Variants in ANAPC7 observed in about 807,000 individuals in gnomAD.
ANAPC7 encodes anaphase promoting complex subunit 7, also known as anaphase-promoting complex subunit 7.
In ANAPC7, 25 loss-of-function variants were observed where a neutral mutation model predicts 63.3. The observed-to-expected ratio is 0.39, with a 90% CI of 0.29 to 0.55. The LOEUF (loss-of-function observed/expected upper bound fraction) is 0.55, where lower values mean the gene tolerates loss of function less well. Ranked by LOEUF, ANAPC7 falls within the 20% of genes least tolerant of loss-of-function variation. ANAPC7 has a pLI of 0.57. For synonymous variants in ANAPC7, 241 were observed against 251.7 expected, an observed-to-expected ratio of 0.96 and a Z score of 0.40; for missense variants, 516 against 691.7, an observed-to-expected ratio of 0.75 and a Z score of 2.85.
Position 110,374,184 on chromosome 12 carries a change from G to A in ANAPC7, c.1658C>T (p.Ala553Val), listed in dbSNP as rs760487546. 6.2e-7 allele frequency: 1 copy of A among 1,613,490 alleles called. No homozygotes were observed. Among genetic ancestry groups the A allele is most frequent in the Non-Finnish European group, 8.5e-7 (1 of 1,180,008 alleles). The change falls in exon 11 of 11, where the codon GCC becomes GTC. Residue 553 changes from alanine (A) to valine (V), a missense_variant. Ala to Val is a moderately conservative substitution (Grantham distance 64, BLOSUM62 0). This residue lies in a region of ANAPC7 where 122 missense variants were observed against 212.0 expected (regional missense o/e 0.58). Coordinates refer to ENST00000455511, the MANE Select transcript of ANAPC7 (RefSeq NM_016238.3). ...CCACTGCTCCTGGTCAGCCCACTGGGCCGCCTCACTGTCGCTGCCCTCCAG... is the reference window on the plus strand; with the variant it reads ...CCACTGCTCCTGGTCAGCCCACTGGACCGCCTCACTGTCGCTGCCCTCCAG... ...GDLEGSDSEA[A>V]QWADQEQWFG...
Position 110,374,139 on chromosome 12 carries a change from C to G in ANAPC7, c.*5G>C, listed in dbSNP as rs778072382. 9 of 1,604,926 alleles carry G rather than the reference C, an allele frequency of 5.6e-6. No individual in the cohort carries two copies. The highest frequency in any genetic ancestry group is 6.8e-6 in the Non-Finnish European group (8 of 1,176,802). ...GGCCACTGCGGCCATGGAGCTGCCGCCCCCTCACTGCATGCCGAACCACTG... is the reference window on the plus strand; with the variant it reads ...GGCCACTGCGGCCATGGAGCTGCCGGCCCCTCACTGCATGCCGAACCACTG... On this transcript the variant is annotated 3_prime_UTR_variant, in exon 11 of 11. Transcript: ENST00000455511.
intron 2 of ANAPC7, among the ~76,000 whole-genome samples, chr12:110,395,694 ATG>A (rs1883512562): frequency 6.6e-6 from 1 of 150,706 alleles, no homozygotes; most frequent in African/African-American, 2.5e-5. Flanking sequence ...ATCCACCACC[ATG>A]CCTGGCTAAT....
At chr12:110,388,015 A>C (rs893410522) in intron 4 of ANAPC7, 123 bp from the exon 5 acceptor site, 42 of 989,506 alleles carry the variant, frequency 4.2e-5, no homozygotes, top group Non-Finnish European at 6.2e-5. Flanking sequence ...TGAGCGATGC[A>C]TGAGAGAAAA....
At chr12:110,377,268 C>G (rs1881374928) in intron 9 of ANAPC7, 125 bp downstream of exon 9, 2 of 800,660 alleles carry the variant, frequency 2.5e-6, no homozygotes, top group Non-Finnish European at 4.0e-6. Flanking sequence ...CAAGCAGGCT[C>G]AGACCTGCTG....
chr12:110,393,198 T>C (rs913602895), intron 3 of ANAPC7, among the ~76,000 whole-genome samples: 1 of 152,174 alleles, frequency 6.6e-6, no homozygotes, highest in South Asian at 2.1e-4. Flanking sequence ...GATAAAAGAA[T>C]CTTACAGTAT....
At chr12:110,399,113 C>T (rs2062185705) in intron 1 of ANAPC7, among the ~76,000 whole-genome samples, 1 of 150,766 alleles carries the variant, frequency 6.6e-6, no homozygotes. Flanking sequence ...CCCTGCCTCC[C>T]GGGTTCAAGC....
intron 6 of ANAPC7, among the ~76,000 whole-genome samples, chr12:110,385,041 A>G (rs1339494820): frequency 2.6e-5 from 4 of 152,088 alleles, no homozygotes; most frequent in Non-Finnish European, 1.5e-5. Flanking sequence ...AGGCGGGTGG[A>G]TTACCTAAGG....
intron 9 of ANAPC7, among the ~76,000 whole-genome samples, chr12:110,376,947 C>T (rs1881341349): frequency 6.6e-6 from 1 of 151,346 alleles, no homozygotes; most frequent in African/African-American, 2.4e-5. Context: ...ATGGTGAAAC[C>T]CCATCTCTAC....
At chr12:110,383,902 A>G (rs74731088) in intron 6 of ANAPC7, among the ~76,000 whole-genome samples, 2 of 133,140 alleles carry the variant, frequency 1.5e-5, no homozygotes, top group South Asian at 4.8e-4. Flanking sequence ...AAAAAAAGAA[A>G]AAAAAAAGAA....
At chr12:110,374,854 A>G (rs981166126) in intron 10 of ANAPC7, among the ~76,000 whole-genome samples, 6 of 152,182 alleles carry the variant, frequency 3.9e-5, no homozygotes, top group Non-Finnish European at 8.8e-5. Context: ...GTCAGACCCC[A>G]GGACCCAAGG....
chr12:110,388,659 G>T, intron 3 of ANAPC7, 36 bp from the exon 4 acceptor site: 1 of 1,419,644 alleles, frequency 7.0e-7, no homozygotes, highest in Non-Finnish European at 9.9e-7. Context: ...CAAAATAAGC[G>T]TATATTGCAA....
At position 110,373,783 on chromosome 12, in the gene ANAPC7, G is replaced by A. The variant is rs1397254897; in HGVS notation, c.*361C>T. ...TGACATTATCGTGCTGGGATGGTGG[G>A]TAACTCCTTCAAACCAATCCATGTC... On this transcript the variant is annotated 3_prime_UTR_variant, in exon 11 of 11. Coordinates refer to ENST00000455511, the MANE Select transcript of ANAPC7 (RefSeq NM_016238.3). The A allele has an allele frequency of 2.2e-5, 4 of 185,222 alleles. No homozygotes were observed. Among genetic ancestry groups the A allele is most frequent in the African/African-American group, 9.4e-5 (4 of 42,736 alleles). The allele number at this position is 185,222 out of a possible 1,614,324, so 11.5% of individuals were successfully genotyped here.
intron 1 of ANAPC7, 60 bp from the exon 2 acceptor site, chr12:110,396,512 G>C (rs996144911): frequency 4.4e-6 from 6 of 1,355,238 alleles, no homozygotes; most frequent in African/African-American, 1.5e-5. Context: ...AGCTCCCCCA[G>C]CTTCTTTTTT....
At chr12:110,396,478 C>T (rs1237898419) in intron 1 of ANAPC7, 26 bp from the exon 2 acceptor site, 3 of 1,540,554 alleles carry the variant, frequency 1.9e-6, no homozygotes, top group Admixed American at 2.1e-5. Flanking sequence ...AAATGTAATA[C>T]ATCTTTTCCT....
chr12:110,387,361 G>GAGAC (rs1882667627), intron 5 of ANAPC7: 1 of 123,832 alleles, frequency 8.1e-6, no homozygotes, highest in African/African-American at 3.3e-5. Context: ...GACAGAGAGA[G>GAGAC]AGAGACAGAG....
chr12:110,386,208 A>G, intron 6 of ANAPC7, 119 bp downstream of exon 6: 1 of 1,431,906 alleles, frequency 7.0e-7, no homozygotes, highest in Admixed American at 2.1e-5. Flanking sequence ...AGACTAGTAT[A>G]AGTTTTATAC....
At chr12:110,381,001 CAGAG>C (rs1418533033) in intron 8 of ANAPC7, among the ~76,000 whole-genome samples, 1 of 149,942 alleles carries the variant, frequency 6.7e-6, no homozygotes, top group Non-Finnish European at 1.5e-5. Context: ...GTGTCTGACA[CAGAG>C]AGATTCATAT....
intron 1 of ANAPC7, among the ~76,000 whole-genome samples, chr12:110,397,624 G>A (rs139092205): frequency 9.3e-4 from 141 of 152,024 alleles, no homozygotes; most frequent in African/African-American, 3.1e-3. Flanking sequence ...GGGGCTGGGC[G>A]TGGTGGCTCA....
At chr12:110,383,509 C>T in intron 6 of ANAPC7, among the ~76,000 whole-genome samples, 1 of 152,058 alleles carries the variant, frequency 6.6e-6, no homozygotes, top group African/African-American at 2.4e-5. Context: ...GTGGCAGAGG[C>T]AGGAGGATCA....
Sources: allele counts gnomAD v4.1 joint callset (sites outside exome capture counted in the v4.1 genomes callset), GRCh38; gene constraint gnomAD v4.1.1; regional missense constraint gnomAD v4.1.1; transcripts MANE v1.5; gene names NCBI Gene and HGNC (gene_info 2026-07-23, HGNC 2026-07-21).